Variants in DNM1L observed in about 807,000 individuals in gnomAD.
DNM1L encodes dynamin 1L, also known as dynamin-1-like protein.
Under a neutral mutation model 92.8 loss-of-function variants are expected in DNM1L, and 33 were observed. That is an observed-to-expected ratio of 0.36 (90% CI 0.27 to 0.48). The LOEUF is 0.48. Among genes scored for constraint, DNM1L ranks in the 20% least tolerant of loss-of-function variants. The pLI is 0.99. For synonymous variants in DNM1L, 284 were observed against 305.0 expected, an observed-to-expected ratio of 0.93 and a Z score of 0.72; for missense variants, 485 against 888.8, an observed-to-expected ratio of 0.55 and a Z score of 5.78.
chr12:32,718,827 C>A, intron 7 of DNM1L, 64 bp downstream of exon 7: 1 of 1,592,758 alleles, frequency 6.3e-7, no homozygotes, highest in Non-Finnish European at 8.6e-7. Flanking sequence ...AGCATTCTCA[C>A]TTCAGAGCAA....
intron 1 of DNM1L, among the ~76,000 whole-genome samples, chr12:32,680,530 G>T (rs1026765699): frequency 6.6e-6 from 1 of 150,948 alleles, no homozygotes; most frequent in South Asian, 2.1e-4. Context: ...TTGTTTGTTT[G>T]TTTTTTTGGC....
At chr12:32,688,495 G>C (rs576268921) in intron 1 of DNM1L, among the ~76,000 whole-genome samples, 2 of 152,154 alleles carry the variant, frequency 1.3e-5, no homozygotes, top group Non-Finnish European at 2.9e-5. Context: ...AGCTGCTGTG[G>C]CCCCTATGGT....
chr12:32,690,554 A>G (rs1339324881), intron 1 of DNM1L, among the ~76,000 whole-genome samples: 1 of 152,182 alleles, frequency 6.6e-6, no homozygotes, highest in African/African-American at 2.4e-5. Flanking sequence ...ATCTGCATCA[A>G]AAGTGGGAAA....
chr12:32,681,604 G>GC (rs200286201), intron 1 of DNM1L, among the ~76,000 whole-genome samples: 1 of 6,552 alleles, frequency 1.5e-4, no homozygotes, highest in Non-Finnish European at 3.3e-4. Flanking sequence ...CCGCCCCCCC[G>GC]CCCCCGCCTT....
At chr12:32,689,800 T>C (rs1235276835) in intron 1 of DNM1L, among the ~76,000 whole-genome samples, 2 of 152,160 alleles carry the variant, frequency 1.3e-5, no homozygotes, top group African/African-American at 4.8e-5. Context: ...AGGGAAGAGC[T>C]GAAAATACAA....
chr12:32,700,684 T>A (rs1402605708), intron 1 of DNM1L, among the ~76,000 whole-genome samples: 2 of 151,978 alleles, frequency 1.3e-5, no homozygotes, highest in Non-Finnish European at 2.9e-5. Flanking sequence ...AGGTCAAGGC[T>A]GCAATAAGCT....
rs545627951 is a variant in DNM1L, at chr12:32,745,339, C to G, written c.*1929C>G. ...CACTTTTCTCCAGCACATCAGATTT[C>G]AAATTGAAAATTAAAGACATGCTAT... On this transcript the variant is annotated 3_prime_UTR_variant, in exon 20 of 20. Transcript: ENST00000549701. The G allele has an allele frequency of 1.6e-4, 36 of 221,410 alleles. No individual in the cohort carries two copies. In the South Asian group the frequency reaches 2.4e-3, roughly 14 times the overall value. 13.7% of individuals were successfully genotyped at this position (221,410 alleles called of 1,614,324 possible).
intron 1 of DNM1L, among the ~76,000 whole-genome samples, chr12:32,683,835 G>T (rs777326648): frequency 5.9e-5 from 9 of 152,046 alleles, no homozygotes; most frequent in Non-Finnish European, 1.0e-4. Flanking sequence ...GAGCCACTGT[G>T]CTCGGCCTAA....
intron 1 of DNM1L, among the ~76,000 whole-genome samples, chr12:32,695,528 A>T (rs564084743): frequency 6.6e-6 from 1 of 152,166 alleles, no homozygotes; most frequent in Non-Finnish European, 1.5e-5. Context: ...CCAGCACTTT[A>T]GGAGGCTGAG....
chr12:32,740,126 A>G lies in DNM1L; in HGVS notation c.1770A>G (p.Arg590=). The part of the protein sequence containing the change: ...GVQEPTTGNW[R]GMLKTSKAEE... The stretch of plus-strand genomic sequence containing the variant: ...AAGAACCAACCACAGGCAACTGGAG[A>G]GGAATGCTGAAAACTTCAAAAGCTG... The change falls in exon 17 of 20, where the codon AGA becomes AGG. Residue 590 remains arginine (R), a synonymous_variant. Coordinates refer to ENST00000549701, the MANE Select transcript of DNM1L (RefSeq NM_012062.5). 6.2e-7 allele frequency: 1 copy of G among 1,614,214 alleles called. No individual in the cohort carries two copies. Among genetic ancestry groups the G allele is most frequent in the Non-Finnish European group, 8.5e-7 (1 of 1,180,040 alleles).
At chr12:32,706,504 A>C (rs570778380) in intron 2 of DNM1L, among the ~76,000 whole-genome samples, 4 of 152,328 alleles carry the variant, frequency 2.6e-5, no homozygotes, top group Middle Eastern at 3.4e-3. Flanking sequence ...AACAGACTAT[A>C]TCTTGCTCTC....
At chr12:32,739,518 T>C (rs1342035218) in intron 16 of DNM1L, among the ~76,000 whole-genome samples, 1 of 152,226 alleles carries the variant, frequency 6.6e-6, no homozygotes, top group African/African-American at 2.4e-5. Flanking sequence ...GAATAGCAAA[T>C]GTAGTCTTGC....
At chr12:32,705,062 G>A (rs1952868681) in intron 2 of DNM1L, among the ~76,000 whole-genome samples, 1 of 145,944 alleles carries the variant, frequency 6.9e-6, no homozygotes, top group East Asian at 2.0e-4. Context: ...CTGGTGTGCA[G>A]TGGCACAATG....
rs954919225 is a variant in DNM1L at position 32,707,550 on chromosome 12, A to T, written c.297+137A>T. ...AACTATTCCTTATAAAATAAATCTTAGTAACATTTCTAACCACAATTGTTT... is the reference window on the plus strand; with the variant it reads ...AACTATTCCTTATAAAATAAATCTTTGTAACATTTCTAACCACAATTGTTT... On this transcript the variant is annotated intron_variant, in intron 3 of 19. Transcript: ENST00000549701. The T allele has an allele frequency of 3.1e-5, 19 of 615,234 alleles. No individual in the cohort carries two copies. The Admixed American group carries it at 3.2e-4, about 10-fold the overall frequency. The allele number at this position is 615,234 out of a possible 1,614,324, so 38.1% of individuals were successfully genotyped here.
intron 2 of DNM1L, among the ~76,000 whole-genome samples, chr12:32,702,968 T>C (rs530358340): frequency 1.4e-5 from 2 of 147,714 alleles, no homozygotes; most frequent in South Asian, 2.1e-4. Flanking sequence ...ACTTATAAAA[T>C]TTCATCCCCA....
chr12:32,718,064 TTATA>T (rs1170143121), intron 6 of DNM1L, among the ~76,000 whole-genome samples: 2 of 134,778 alleles, frequency 1.5e-5, no homozygotes, highest in Non-Finnish European at 3.1e-5. Flanking sequence ...TATACATATT[TTATA>T]TATATACTAT....
Position 32,743,486 on chromosome 12 carries a change from A to C in DNM1L, c.*76A>C, listed in dbSNP as rs1955460551. On this transcript the variant is annotated 3_prime_UTR_variant, in exon 20 of 20. Transcript: ENST00000549701. ...TGCCTACCTGAGTAGAATCTTATTT[A>C]TGAACTCCTGTGTATTGCAATGGTA... is the stretch of plus-strand genomic sequence containing the variant. 1 of 1,390,490 alleles carries C rather than the reference A, an allele frequency of 7.2e-7. No individual in the cohort carries two copies. The highest frequency in any genetic ancestry group is 1.4e-5 in the African/African-American group (1 of 70,198). 86.1% of individuals were successfully genotyped at this position (1,390,490 alleles called of 1,614,324 possible). A position where few individuals can be genotyped will look rare whatever the true frequency, so the allele number is the denominator to read the frequency against.
intron 1 of DNM1L, among the ~76,000 whole-genome samples, chr12:32,691,833 G>A (rs7954612): frequency 0.15 from 23,378 of 152,016 alleles, 1,898 homozygotes; most frequent in Middle Eastern, 0.21. Context: ...AAAGACAAAA[G>A]TTCCCCAGAG....
chr12:32,681,947 T>C (rs1370357161), intron 1 of DNM1L, among the ~76,000 whole-genome samples: 1 of 151,970 alleles, frequency 6.6e-6, no homozygotes, highest in African/African-American at 2.4e-5. Context: ...TGAGCTATGA[T>C]TCTGCGATGG....
Sources: allele counts gnomAD v4.1 joint callset (sites outside exome capture counted in the v4.1 genomes callset), GRCh38; gene constraint gnomAD v4.1.1; transcripts MANE v1.5; gene names NCBI Gene and HGNC (gene_info 2026-07-23, HGNC 2026-07-21).